Variants in ATP1A3 observed in about 807,000 individuals in gnomAD.
ATP1A3 encodes the protein ATPase Na+/K+ transporting subunit alpha 3.
ATP1A3 carries 12 observed loss-of-function variants against 108.8 expected under a neutral mutation model. The ratio of observed to expected loss-of-function variants is 0.11; its 90% confidence interval spans 0.07 to 0.18. The LOEUF is 0.18. Among genes scored for constraint, ATP1A3 ranks in the 10% least tolerant of loss-of-function variants. The probability of loss-of-function intolerance (pLI) is 1.00; values close to 1 mark genes in which losing one functional copy is unlikely to be tolerated. For missense variants in ATP1A3, 498 were observed against 1,387.7 expected, an observed-to-expected ratio of 0.36 and a Z score of 10.19; for synonymous variants, 539 against 564.5, an observed-to-expected ratio of 0.95 and a Z score of 0.64.
At position 41,970,655 on chromosome 19, in the gene ATP1A3, A is replaced by G. The variant is rs544037741; in HGVS notation, c.2264-113T>C. ...TTTTTTTTTTTTTTTTTTTTGAGAC[A>G]GAGTCTCGCTGTGTTGCCCAGGCTG... On this transcript the variant is annotated intron_variant, in intron 16 of 22. Transcript: ENST00000648268. The G allele has an allele frequency of 8.5e-5, 99 of 1,167,950 alleles. 1 individual carries two copies. Among genetic ancestry groups the G allele is most frequent in the South Asian group, 1.8e-4 (12 of 67,670 alleles). 72.3% of individuals were successfully genotyped at this position (1,167,950 alleles called of 1,614,324 possible).
At position 41,967,240 on chromosome 19, in the gene ATP1A3, C is replaced by T. The variant is rs2075052903; in HGVS notation, c.3013+9G>A. On this transcript the variant is annotated intron_variant, in intron 22 of 22. Transcript: ENST00000648268. The surrounding 1 kb of genome is among the most constrained non-coding windows in gnomAD (Gnocchi z 4.2). Reference sequence around the variant, plus strand: ...CGCCCCCCTCGGCTGCCTTGCCGAGCTCCCTCACCCCCTGGGTTCCTGCGC... The same window carrying T: ...CGCCCCCCTCGGCTGCCTTGCCGAGTTCCCTCACCCCCTGGGTTCCTGCGC... 1 of 1,613,968 alleles carries T rather than the reference C, an allele frequency of 6.2e-7. No individual in the cohort carries two copies. The highest frequency in any genetic ancestry group is 8.5e-7 in the Non-Finnish European group (1 of 1,180,026).
Position 41,981,453 on chromosome 19 carries a change from C to T in ATP1A3, c.1437+49G>A. The T allele has an allele frequency of 6.2e-7, 1 of 1,613,954 alleles. No individual in the cohort carries two copies. Among genetic ancestry groups the T allele is most frequent in the Non-Finnish European group, 8.5e-7 (1 of 1,179,946 alleles). ...CTCTATGACACCTCTTTACAGGCGT[C>T]ATAAGGAACCTGAGGTCCAGGCTGG... On this transcript the variant is annotated intron_variant, in intron 11 of 22. Coordinates refer to ENST00000648268, the MANE Select transcript of ATP1A3 (RefSeq NM_152296.5). The surrounding 1 kb of genome is among the most constrained non-coding windows in gnomAD (Gnocchi z 5.0).
At chr19:41,979,417 C>G (rs961591724) in intron 11 of ATP1A3, among the ~76,000 whole-genome samples, 2 of 152,022 alleles carry the variant, frequency 1.3e-5, no homozygotes, top group Non-Finnish European at 2.9e-5. Context: ...CAGGCTCATG[C>G]GATCCTCCCG....
chr19:41,980,009 C>G (rs2075212750), intron 11 of ATP1A3, among the ~76,000 whole-genome samples: 1 of 152,222 alleles, frequency 6.6e-6, no homozygotes, highest in Non-Finnish European at 1.5e-5. Flanking sequence ...ACCACCCCCA[C>G]CACGCTCCCT....
In ATP1A3 at chr19:41,981,401, C is replaced by T; in HGVS notation, c.1437+101G>A. ...TCCCCACCAGGCGGGTATTATCATT[C>T]CCATTTTACAGACGGGAAAATCAAG... On this transcript the variant is annotated intron_variant, in intron 11 of 22. Transcript: ENST00000648268. The surrounding 1 kb of genome is among the most constrained non-coding windows in gnomAD (Gnocchi z 5.0). 3 of 1,579,258 alleles carry T rather than the reference C, an allele frequency of 1.9e-6. No homozygotes were observed. Among genetic ancestry groups the T allele is most frequent in the Non-Finnish European group, 2.6e-6 (3 of 1,151,266 alleles).
intron 8 of ATP1A3, among the ~76,000 whole-genome samples, chr19:41,983,598 A>G (rs1478906357): frequency 6.9e-6 from 1 of 145,472 alleles, no homozygotes; most frequent in African/African-American, 2.5e-5. Flanking sequence ...TATTATTATT[A>G]TAATAATTAT....
chr19:41,978,885 G>T lies in ATP1A3; in HGVS notation c.1438-87C>A. The T allele has an allele frequency of 7.0e-7, 1 of 1,419,234 alleles. No individual in the cohort carries two copies. The allele number at this position is 1,419,234 out of a possible 1,614,324, so 87.9% of individuals were successfully genotyped here. On this transcript the variant is annotated intron_variant, in intron 11 of 22. Coordinates refer to ENST00000648268, the MANE Select transcript of ATP1A3 (RefSeq NM_152296.5). The surrounding 1 kb of genome is among the most constrained non-coding windows in gnomAD (Gnocchi z 8.3). ...CATCCTGTCCCCTGTCCAGAGCCAC[G>T]GGTGCCAGGATAGGCCCACACCAGG...
In ATP1A3 at chr19:41,981,339, A is replaced by C. The variant is rs1223563042; in HGVS notation, c.1437+163T>G. Among the ~76,000 whole-genome samples the C allele has an allele frequency of 2.6e-5, 4 of 151,828 alleles. No homozygotes were observed. Among genetic ancestry groups the C allele is most frequent in the Non-Finnish European group, 4.4e-5 (3 of 67,984 alleles). ...ACTCCTCAGCGTCTCACTCCAACAG[A>C]GATCCGGCTCCCACTCTCAAGCTCT... On this transcript the variant is annotated intron_variant, in intron 11 of 22. Coordinates refer to ENST00000648268, the MANE Select transcript of ATP1A3 (RefSeq NM_152296.5). The surrounding 1 kb of genome is among the most constrained non-coding windows in gnomAD (Gnocchi z 5.0).
intron 1 of ATP1A3, 37 bp downstream of exon 1, chr19:41,994,034 T>A: frequency 6.2e-7 from 1 of 1,609,006 alleles, no homozygotes; most frequent in African/African-American, 1.3e-5. Flanking sequence ...CCCCACAATG[T>A]CACACGGAAG....
Position 41,988,645 on chromosome 19 carries a change from C to G in ATP1A3, c.7-83G>C. 1.2e-6 allele frequency: 2 copies of G among 1,610,050 alleles called. No homozygotes were observed. The highest frequency in any genetic ancestry group is 1.7e-6 in the Non-Finnish European group (2 of 1,178,882). ...TCCAGGAGGACACCGGCCCTCCATG[C>G]CCCAGCTATCCTCCTGGCCGGTGCC... On this transcript the variant is annotated intron_variant, in intron 1 of 22. Transcript: ENST00000648268. The surrounding 1 kb of genome is among the most constrained non-coding windows in gnomAD (Gnocchi z 5.3).
chr19:41,974,230 C>CA (rs1184390097), intron 16 of ATP1A3, among the ~76,000 whole-genome samples: 17 of 149,932 alleles, frequency 1.1e-4, no homozygotes, highest in Admixed American at 4.7e-4. Context: ...GACTCTGTCT[C>CA]AAAAAAAAAG....
chr19:41,970,849 G>A (rs2075098891), intron 16 of ATP1A3, among the ~76,000 whole-genome samples: 1 of 151,542 alleles, frequency 6.6e-6, no homozygotes, highest in Non-Finnish European at 1.5e-5. Flanking sequence ...AGCCTGCATG[G>A]TCTCAATCTC....
chr19:41,981,396 T>G lies in ATP1A3; in HGVS notation c.1437+106A>C, dbSNP rs1262638388. ...TCCTCTCCCCACCAGGCGGGTATTA[T>G]CATTCCCATTTTACAGACGGGAAAA... On this transcript the variant is annotated intron_variant, in intron 11 of 22. Coordinates refer to ENST00000648268, the MANE Select transcript of ATP1A3 (RefSeq NM_152296.5). The surrounding 1 kb of genome is among the most constrained non-coding windows in gnomAD (Gnocchi z 5.0). 6.4e-6 allele frequency: 10 copies of G among 1,562,780 alleles called. No homozygotes were observed.
rs782209602 is a variant in ATP1A3, at chr19:41,981,893, G to A, written c.1192+15C>T. On this transcript the variant is annotated intron_variant, in intron 9 of 22. Transcript: ENST00000648268. This position sits in a 1 kb window ranked among gnomAD's most constrained non-coding sequence, Gnocchi z 5.0. Reference sequence around the variant, plus strand: ...AGCCAGGCCCCCATGGTCCTCACCCGGGGCCTGCGCTCACCTGACTGGTCC... The same window carrying A: ...AGCCAGGCCCCCATGGTCCTCACCCAGGGCCTGCGCTCACCTGACTGGTCC... The A allele has an allele frequency of 2.8e-5, 45 of 1,614,082 alleles. No individual in the cohort carries two copies. The highest frequency in any genetic ancestry group is 1.6e-4 in the Middle Eastern group (1 of 6,084).
rs1555859552 is a variant in ATP1A3, at chr19:41,970,349, C to G, written c.2418+39G>C. On this transcript the variant is annotated intron_variant, in intron 17 of 22. Coordinates refer to ENST00000648268, the MANE Select transcript of ATP1A3 (RefSeq NM_152296.5). Reference sequence around the variant, plus strand: ...CGGGTGAGCCGGAGAGGGGAGGACTCCACCCTCCTGGGCCCCAAGGGTGGC... The same window carrying G: ...CGGGTGAGCCGGAGAGGGGAGGACTGCACCCTCCTGGGCCCCAAGGGTGGC... 2.5e-6 allele frequency: 4 copies of G among 1,613,616 alleles called. No individual in the cohort carries two copies. In the African/African-American group the frequency reaches 5.3e-5, roughly 22 times the overall value.
At position 41,981,590 on chromosome 19, in the gene ATP1A3, A is replaced by C; in HGVS notation, c.1349T>G (p.Ile450Ser). Residue 450 changes from isoleucine (I) to serine (S), a missense_variant, in exon 11 of 23, where the codon ATC (isoleucine) becomes AGC (serine). Ile to Ser is a moderately radical substitution (Grantham distance 142). Around this residue, in one of 9 missense-constraint regions of ATP1A3, gnomAD observed 92 missense variants for 168.7 expected, o/e 0.55. Coordinates refer to ENST00000648268, the MANE Select transcript of ATP1A3 (RefSeq NM_152296.5). This position sits in a 1 kb window ranked among gnomAD's most constrained non-coding sequence, Gnocchi z 5.0. ...CTTCACGGAGCCAGAGGACAGCTCG[A>C]TGCACTTGAGCAGGGCAGACTCAGA... is the stretch of plus-strand genomic sequence containing the variant. ...DASESALLKC[I>S]ELSSGSVKLM... 1.2e-6 allele frequency: 2 copies of C among 1,614,146 alleles called. No individual in the cohort carries two copies. Among genetic ancestry groups the C allele is most frequent in the Non-Finnish European group, 1.7e-6 (2 of 1,180,028 alleles).
At position 41,978,452 on chromosome 19, in the gene ATP1A3, C is replaced by T; in HGVS notation, c.1631-126G>A. On this transcript the variant is annotated intron_variant, in intron 12 of 22. Transcript: ENST00000648268. The surrounding 1 kb of genome is among the most constrained non-coding windows in gnomAD (Gnocchi z 8.3). ...CAAGACGGCCAGTCAGCATTCATTT[C>T]CTAGGATACCTTCCCCTCTCATCCA... is the stretch of plus-strand genomic sequence containing the variant. 6.8e-7 allele frequency: 1 copy of T among 1,463,222 alleles called. No individual in the cohort carries two copies. The highest frequency in any genetic ancestry group is 1.2e-5 in the South Asian group (1 of 83,888). The allele number at this position is 1,463,222 out of a possible 1,614,324, so 90.6% of individuals were successfully genotyped here. A position where few individuals can be genotyped will look rare whatever the true frequency, so the allele number is the denominator to read the frequency against.
At position 41,968,803 on chromosome 19, in the gene ATP1A3, A is replaced by G. The variant is rs2075071034; in HGVS notation, c.2801T>C (p.Val934Ala). Reference sequence around the variant, plus strand: ...CCCTCACTTCATGCCCTGCTGGAAGACCGAGTTCCTCCGGGTCTTGCAGAT... The same window carrying G: ...CCCTCACTTCATGCCCTGCTGGAAGGCCGAGTTCCTCCGGGTCTTGCAGAT... ...LIICKTRRNS[V>A]FQQGMKNKIL... is the part of the protein sequence containing the mutation. Residue 934 changes from valine to alanine, a missense_variant, in exon 20 of 23, where the codon GTC (valine) becomes GCC (alanine). Physicochemically the swap from Val to Ala is moderately conservative, Grantham distance 64. This residue lies in a region of ATP1A3 where 121 missense variants were observed against 425.1 expected (regional missense o/e 0.28). Transcript: ENST00000648268. The surrounding 1 kb of genome is among the most constrained non-coding windows in gnomAD (Gnocchi z 5.0). 1 of 1,614,126 alleles carries G rather than the reference A, an allele frequency of 6.2e-7. No individual in the cohort carries two copies. The highest frequency in any genetic ancestry group is 8.5e-7 in the Non-Finnish European group (1 of 1,179,964).
At chr19:41,983,582 AATAATT>A (rs2075256166) in intron 8 of ATP1A3, among the ~76,000 whole-genome samples, 2 of 145,066 alleles carry the variant, frequency 1.4e-5, no homozygotes, top group African/African-American at 5.0e-5. Context: ...AAATAATAAT[AATAATT>A]ATTATTATTA....
Sources: allele counts gnomAD v4.1 joint callset (sites outside exome capture counted in the v4.1 genomes callset), GRCh38; gene constraint gnomAD v4.1.1; regional missense constraint gnomAD v4.1.1; non-coding constraint Gnocchi (gnomAD v3.1); transcripts MANE v1.5; gene names NCBI Gene and HGNC (gene_info 2026-07-23, HGNC 2026-07-21).